The following PCDH9 variants were observed in gnomAD, a reference collection of about 807,000 sequenced individuals.
PCDH9 encodes the protein protocadherin 9, also known as protocadherin-9.
A neutral mutation model predicts 70.6 loss-of-function variants in PCDH9; 24 were observed. The observed-to-expected ratio is 0.34, with a 90% CI of 0.25 to 0.48. The LOEUF is 0.48. Among genes scored for constraint, PCDH9 ranks in the 20% least tolerant of loss-of-function variants. The probability of loss-of-function intolerance (pLI) is 0.99; values close to 1 mark genes in which losing one functional copy is unlikely to be tolerated. For missense variants in PCDH9, 1,281 were observed against 1,503.6 expected (o/e 0.85, Z 2.45); for synonymous variants, 562 against 558.5 (o/e 1.01, Z -0.09).
At chr13:67,156,163 C>A (rs753398799) in intron 2 of PCDH9, among the ~76,000 whole-genome samples, 2 of 152,018 alleles carry the variant, frequency 1.3e-5, no homozygotes, top group Non-Finnish European at 2.9e-5. Context: ...CCTGCCTGCA[C>A]GCCCAAATGT....
intron 4 of PCDH9, among the ~76,000 whole-genome samples, chr13:66,590,933 A>G (rs898319318): frequency 1.3e-5 from 2 of 151,802 alleles, no homozygotes; most frequent in Non-Finnish European, 2.9e-5. Flanking sequence ...AAATATCAGT[A>G]TCCAAATAAA....
chr13:66,440,866 A>G (rs1166018900), intron 4 of PCDH9, among the ~76,000 whole-genome samples: 1 of 152,068 alleles, frequency 6.6e-6, no homozygotes, highest in Non-Finnish European at 1.5e-5. Context: ...AATGCATCCA[A>G]CACAGAGACT....
chr13:66,405,041 A>C (rs1957256101), intron 4 of PCDH9, among the ~76,000 whole-genome samples: 1 of 152,198 alleles, frequency 6.6e-6, no homozygotes, highest in African/African-American at 2.4e-5. Flanking sequence ...CCTGATAAAG[A>C]TGGGCTGACA....
intron 4 of PCDH9, among the ~76,000 whole-genome samples, chr13:66,454,119 GA>G (rs571088325): frequency 2.0e-5 from 3 of 150,410 alleles, no homozygotes; most frequent in East Asian, 2.0e-4. Context: ...ACTATGGGAA[GA>G]AAAAAAAGTC....
intron 3 of PCDH9, among the ~76,000 whole-genome samples, chr13:66,809,791 AG>A (rs1291923146): frequency 6.7e-6 from 1 of 150,058 alleles, no homozygotes; most frequent in Non-Finnish European, 1.5e-5. Context: ...CAAAAAAAAG[AG>A]GGTGCTTAAT....
rs1210583182 is a variant in PCDH9, at chr13:66,583,736, A to G, written c.3340+47474T>C. Among the ~76,000 whole-genome samples the G allele has an allele frequency of 2.6e-5, 4 of 152,340 alleles. No individual in the cohort carries two copies. The East Asian group carries it at 7.7e-4, about 29-fold the overall frequency. ...AAGAAATACTCCACGGAAAAGCGTA[A>G]GAATGCTACTTCCACTGTGAAACAA... is the stretch of plus-strand genomic sequence containing the variant. On this transcript the variant is annotated intron_variant, in intron 4 of 4. Transcript: ENST00000377865.
At chr13:66,888,636 G>A (rs1164155664) in intron 3 of PCDH9, among the ~76,000 whole-genome samples, 1 of 152,000 alleles carries the variant, frequency 6.6e-6, no homozygotes, top group Non-Finnish European at 1.5e-5. Flanking sequence ...AGAAAGATGG[G>A]CCTTAGAAGA....
At chr13:66,755,432 T>C (rs1417046877) in intron 3 of PCDH9, among the ~76,000 whole-genome samples, 11 of 152,168 alleles carry the variant, frequency 7.2e-5, no homozygotes, top group Non-Finnish European at 1.3e-4. Flanking sequence ...AATAAAGCAG[T>C]GGCGCTGCAA....
At chr13:67,096,339 T>C (rs904550331) in intron 2 of PCDH9, among the ~76,000 whole-genome samples, 1 of 152,196 alleles carries the variant, frequency 6.6e-6, no homozygotes, top group African/African-American at 2.4e-5. Context: ...TTGAAATGTA[T>C]TCTATTTCTT....
intron 3 of PCDH9, among the ~76,000 whole-genome samples, chr13:66,713,432 T>C (rs1156299809): frequency 6.6e-6 from 1 of 151,388 alleles, no homozygotes; most frequent in Non-Finnish European, 1.5e-5. Context: ...CTTTTTTTCT[T>C]CTTACTCATT....
At chr13:66,372,670 G>A (rs1316923846) in intron 4 of PCDH9, among the ~76,000 whole-genome samples, 2 of 151,704 alleles carry the variant, frequency 1.3e-5, no homozygotes, top group African/African-American at 4.8e-5. Flanking sequence ...AGAAGGGAAT[G>A]TCCATTGGCA....
intron 2 of PCDH9, among the ~76,000 whole-genome samples, chr13:66,976,203 C>A (rs1298884625): frequency 6.6e-6 from 1 of 152,004 alleles, no homozygotes; most frequent in Non-Finnish European, 1.5e-5. Context: ...CCCTCATTGG[C>A]AAACTACTTT....
intron 3 of PCDH9, among the ~76,000 whole-genome samples, chr13:66,902,692 T>C (rs1392638547): frequency 2.6e-5 from 4 of 151,780 alleles, no homozygotes; most frequent in African/African-American, 9.7e-5. Flanking sequence ...TAAAACATAA[T>C]TCTTTAAAAA....
At chr13:66,484,181 A>G (rs1368100317) in intron 4 of PCDH9, among the ~76,000 whole-genome samples, 3 of 152,162 alleles carry the variant, frequency 2.0e-5, no homozygotes, top group African/African-American at 7.2e-5. Flanking sequence ...ACCCCGGGAT[A>G]CAGAAAGCCC....
chr13:66,502,586 A>G (rs1166699749), intron 4 of PCDH9, among the ~76,000 whole-genome samples: 3 of 152,158 alleles, frequency 2.0e-5, no homozygotes, highest in Non-Finnish European at 4.4e-5. Flanking sequence ...TGTGTATTGT[A>G]AAAGGATGTG....
At chr13:66,520,182 G>C (rs4379952) in intron 4 of PCDH9, among the ~76,000 whole-genome samples, 37,560 of 151,904 alleles carry the variant, frequency 0.25, 5,083 homozygotes, top group South Asian at 0.35. Context: ...AGCATCTTTT[G>C]TTTTGAACGT....
intron 2 of PCDH9, among the ~76,000 whole-genome samples, chr13:67,028,878 G>GTTCT (rs1043852509): frequency 5.9e-5 from 9 of 152,076 alleles, no homozygotes; most frequent in African/African-American, 2.2e-4. Context: ...AAAGAGCTTT[G>GTTCT]TTCTTTCTTA....
chr13:66,769,797 G>A (rs1055008263), intron 3 of PCDH9, among the ~76,000 whole-genome samples: 5 of 152,024 alleles, frequency 3.3e-5, no homozygotes, highest in African/African-American at 1.2e-4. Flanking sequence ...CATTTATCTG[G>A]CCAAATCTCA....
rs569433312 is a variant in PCDH9, at chr13:66,302,904, A to G, written c.*1751T>C. On this transcript the variant is annotated 3_prime_UTR_variant, in exon 5 of 5. Transcript: ENST00000377865. ...AACGTAGAACTGGCAAAGCAGTAACAAGGATAATTGTTTAGATATTTATTC... is the reference window on the plus strand; with the variant it reads ...AACGTAGAACTGGCAAAGCAGTAACGAGGATAATTGTTTAGATATTTATTC... 5 of 152,618 alleles carry G rather than the reference A, an allele frequency of 3.3e-5. No homozygotes were observed. Among genetic ancestry groups the G allele is most frequent in the African/African-American group, 1.2e-4 (5 of 41,574 alleles). The allele number at this position is 152,618 out of a possible 1,614,324, so 9.5% of individuals were successfully genotyped here.
Sources: allele counts gnomAD v4.1 joint callset (sites outside exome capture counted in the v4.1 genomes callset), GRCh38; gene constraint gnomAD v4.1.1; transcripts MANE v1.5; gene names NCBI Gene and HGNC (gene_info 2026-07-23, HGNC 2026-07-21).